The following CCDC102B variants were observed in gnomAD, a reference collection of about 807,000 sequenced individuals.
CCDC102B encodes the protein coiled-coil domain containing 102B, also known as coiled-coil domain-containing protein 102B.
A neutral mutation model predicts 57.4 loss-of-function variants in CCDC102B; 75 were observed. The observed-to-expected ratio is 1.31, with a 90% CI of 1.08 to 1.58. CCDC102B has a LOEUF of 1.58. Among genes scored for constraint, CCDC102B ranks in the 40% most tolerant of loss-of-function variants. The probability of loss-of-function intolerance (pLI) is 0.00; values close to 1 mark genes in which losing one functional copy is unlikely to be tolerated. For missense variants in CCDC102B, 636 were observed against 582.6 expected, an observed-to-expected ratio of 1.09 and a Z score of -0.94; for synonymous variants, 206 against 201.9, an observed-to-expected ratio of 1.02 and a Z score of -0.17.
chr18:68,961,169 A>G (rs564939229), intron 6 of CCDC102B, among the ~76,000 whole-genome samples: 11 of 152,230 alleles, frequency 7.2e-5, no homozygotes, highest in African/African-American at 2.6e-4. Context: ...AATTCTTAAA[A>G]CATTTTCAGA....
At chr18:69,057,940 A>C (rs1437832684), downstream of CCDC102B, among the ~76,000 whole-genome samples, 1 of 151,960 alleles carries the variant, frequency 6.6e-6, no homozygotes, top group Non-Finnish European at 1.5e-5. Context: ...TGATCTCATC[A>C]CCCAATTCAT....
intron 6 of CCDC102B, among the ~76,000 whole-genome samples, chr18:69,006,908 G>A (rs1379826167): frequency 6.6e-6 from 1 of 152,120 alleles, no homozygotes; most frequent in African/African-American, 2.4e-5. Flanking sequence ...TAAAATGAAA[G>A]TGTAGGATTA....
chr18:68,820,478 G>A (rs944638553), intron 1 of CCDC102B, among the ~76,000 whole-genome samples: 6 of 152,022 alleles, frequency 3.9e-5, no homozygotes, highest in Non-Finnish European at 7.4e-5. Flanking sequence ...GTTTATGTCA[G>A]CTTGAGAGAT....
At chr18:68,970,175 A>G (rs1207527542) in intron 6 of CCDC102B, among the ~76,000 whole-genome samples, 2 of 152,076 alleles carry the variant, frequency 1.3e-5, no homozygotes, top group East Asian at 3.8e-4. Flanking sequence ...CTGTATCTCA[A>G]ATAGTAAACA....
intron 6 of CCDC102B, among the ~76,000 whole-genome samples, chr18:68,910,938 G>C (rs1193618523): frequency 2.8e-5 from 4 of 144,334 alleles, no homozygotes; most frequent in African/African-American, 1.0e-4. Flanking sequence ...AAAAAAAACA[G>C]ATGATGGTGA....
In CCDC102B at chr18:68,813,181, TTC is replaced by T. The variant is rs142421359; in HGVS notation, c.-16+15020_-16+15021del. Among the ~76,000 whole-genome samples, 563 of 147,806 alleles carry T rather than the reference TTC, an allele frequency of 3.8e-3. 2 individuals are homozygous for T. The highest frequency in any genetic ancestry group is 9.2e-3 in the African/African-American group (374 of 40,808). ...TTGATAAATGTATGGCATTTCCCAC[TTC>T]TCTCTCTCTCTCTCTCTCTGTCTCT... On this transcript the variant is annotated intron_variant, in intron 1 of 7. Transcript: ENST00000360242.
chr18:68,766,148 T>C (rs951704063), intron 2 of CCDC102B, among the ~76,000 whole-genome samples: 1 of 152,198 alleles, frequency 6.6e-6, no homozygotes, highest in Admixed American at 6.6e-5. Flanking sequence ...ATAATACATG[T>C]ATCTATCTTT....
At chr18:69,019,296 G>T (rs1397220589) in intron 7 of CCDC102B, among the ~76,000 whole-genome samples, 1 of 151,780 alleles carries the variant, frequency 6.6e-6, no homozygotes, top group African/African-American at 2.4e-5. Context: ...GATAGCTTTG[G>T]GCAGTATGGA....
At position 68,999,537 on chromosome 18, in the gene CCDC102B, AAG is replaced by A. The variant is rs1166755879; in HGVS notation, c.1264-11394_1264-11393del. Reference sequence around the variant, plus strand: ...TTGAGAATCCCTTTAACCTGGGAAAAAGAGGTTGCTGTGAGCCGAGATTGTGC... The same window carrying A: ...TTGAGAATCCCTTTAACCTGGGAAAAAGGTTGCTGTGAGCCGAGATTGTGC... On this transcript the variant is annotated intron_variant, in intron 6 of 7. Coordinates refer to ENST00000360242, the MANE Select transcript of CCDC102B (RefSeq NM_024781.3). 2.0e-5 allele frequency among the ~76,000 whole-genome samples: 3 copies of A among 152,004 alleles called. 1 individual carries two copies. Among genetic ancestry groups the A allele is most frequent in the East Asian group, 3.9e-4 (2 of 5,180 alleles).
chr18:68,858,166 T>G (rs915714059), intron 4 of CCDC102B, among the ~76,000 whole-genome samples: 1 of 152,230 alleles, frequency 6.6e-6, no homozygotes, highest in Non-Finnish European at 1.5e-5. Flanking sequence ...ATCTATTTTC[T>G]GTCACCATAG....
At chr18:69,012,476 T>C (rs1447876300) in intron 7 of CCDC102B, among the ~76,000 whole-genome samples, 1 of 152,084 alleles carries the variant, frequency 6.6e-6, no homozygotes, top group Non-Finnish European at 1.5e-5. Flanking sequence ...GAGGGTAACA[T>C]TATTTGTTCC....
At chr18:68,964,395 T>A (rs2050119181) in intron 6 of CCDC102B, among the ~76,000 whole-genome samples, 2 of 124,396 alleles carry the variant, frequency 1.6e-5, no homozygotes, top group African/African-American at 5.5e-5. Context: ...ACATCTAAAG[T>A]TCAGGGTTTT....
chr18:68,998,435 A>ATG (rs147681717), intron 6 of CCDC102B, among the ~76,000 whole-genome samples: 54 of 146,830 alleles, frequency 3.7e-4, no homozygotes, highest in Non-Finnish European at 3.1e-4. Flanking sequence ...ATAATATATT[A>ATG]TATATATATA....
intron 1 of CCDC102B, among the ~76,000 whole-genome samples, chr18:68,832,436 A>G (rs1264585667): frequency 6.6e-6 from 1 of 152,066 alleles, no homozygotes; most frequent in Admixed American, 6.6e-5. Context: ...AGTGATGTCT[A>G]TTTTGTTCAC....
At chr18:68,796,356 A>G (rs1171904444), upstream of CCDC102B, among the ~76,000 whole-genome samples, 1 of 152,128 alleles carries the variant, frequency 6.6e-6, no homozygotes, top group African/African-American at 2.4e-5. Context: ...CTGGGTTGAC[A>G]TTTACATAGA....
intron 7 of CCDC102B, among the ~76,000 whole-genome samples, chr18:69,029,895 T>G (rs2052092683): frequency 6.6e-6 from 1 of 152,222 alleles, no homozygotes; most frequent in South Asian, 2.1e-4. Context: ...GATTCTGTTT[T>G]AAGGCATGTG....
At chr18:68,888,768 A>G (rs1466835193) in intron 5 of CCDC102B, among the ~76,000 whole-genome samples, 2 of 152,148 alleles carry the variant, frequency 1.3e-5, no homozygotes, top group African/African-American at 2.4e-5. Context: ...GCTATTACCC[A>G]TGCTAAATAT....
At chr18:68,821,707 G>A (rs2036697232) in intron 1 of CCDC102B, among the ~76,000 whole-genome samples, 1 of 151,300 alleles carries the variant, frequency 6.6e-6, no homozygotes, top group African/African-American at 2.4e-5. Context: ...ATATATATAT[G>A]TATGTATATA....
At chr18:68,810,661 A>C (rs540333431) in intron 1 of CCDC102B, among the ~76,000 whole-genome samples, 2,076 of 105,070 alleles carry the variant, frequency 0.02, 77 homozygotes, top group African/African-American at 0.07. Flanking sequence ...GTTTTGAAAA[A>C]TTTTCTTTTC....
Sources: gnomAD v4.1 joint callset for allele counts (sites outside exome capture counted in the v4.1 genomes callset) on GRCh38, gnomAD v4.1.1 for gene constraint, MANE v1.5 for transcripts, NCBI Gene and HGNC (gene_info 2026-07-23, HGNC 2026-07-21) for gene names.